The following BDNF variants were observed in gnomAD, a reference collection of about 807,000 sequenced individuals.
BDNF encodes the protein neurotrophic factor BDNF precursor form.
In BDNF, 1 loss-of-function variant was observed where a neutral mutation model predicts 19.5. The observed-to-expected ratio is 0.05, with a 90% CI of 0.02 to 0.24. The LOEUF is 0.24. Ranked by LOEUF, BDNF falls within the 10% of genes least tolerant of loss-of-function variation. The pLI is 1.00. For missense variants in BDNF, 195 were observed against 317.6 expected (o/e 0.61, Z 2.93); for synonymous variants, 100 against 121.6 (o/e 0.82, Z 1.17).
At chr11:27,703,198 C>G (rs988748), upstream of BDNF, among the ~76,000 whole-genome samples, 124,634 of 152,080 alleles carry the variant, frequency 0.82, 51,757 homozygotes, top group African/African-American at 0.93. Context: ...CGCTACCCCA[C>G]AGACCCTCTG....
chr11:27,674,059 C>T, intron 1 of BDNF: 17 of 1,601,510 alleles, frequency 1.1e-5, no homozygotes, highest in Non-Finnish European at 1.4e-5. Flanking sequence ...CTGTTACTCA[C>T]CTTTATGAAA....
chr11:27,684,751 A>C (rs994440111), intron 1 of BDNF, among the ~76,000 whole-genome samples: 3 of 152,138 alleles, frequency 2.0e-5, no homozygotes, highest in African/African-American at 7.2e-5. Context: ...GGATGAAGCC[A>C]AATTATCATG....
intron 1 of BDNF, among the ~76,000 whole-genome samples, chr11:27,695,791 A>G (rs939564023): frequency 4.0e-5 from 6 of 151,602 alleles, no homozygotes; most frequent in Admixed American, 2.6e-4. Flanking sequence ...TCAATCTATA[A>G]ATGAGACATC....
In BDNF at chr11:27,656,825, T is replaced by G. The variant is rs1852612433; in HGVS notation, c.*996A>C. On this transcript the variant is annotated 3_prime_UTR_variant, in exon 2 of 2. Transcript: ENST00000356660. ...GTTTTCTGTTCTAAAAAAAAATCAC[T>G]GTTCTCCATGCTTATACGAGTGTCA... is the stretch of plus-strand genomic sequence containing the variant. 1 of 985,308 alleles carries G rather than the reference T, an allele frequency of 1.0e-6. No homozygotes were observed. Among genetic ancestry groups the G allele is most frequent in the African/African-American group, 1.7e-5 (1 of 57,240 alleles). The allele number at this position is 985,308 out of a possible 1,614,324, so 61.0% of individuals were successfully genotyped here.
exon 1 of BDNF, chr11:27,721,696 C>A: frequency 1.8e-6 from 1 of 544,536 alleles, no homozygotes; most frequent in Non-Finnish European, 3.3e-6. Context: ...AGACACGTTT[C>A]CTTTTGAGTT....
rs890298643 is a variant in BDNF, at chr11:27,699,660, A to G, written c.-22+504T>C. 5.6e-6 allele frequency: 8 copies of G among 1,424,304 alleles called. No homozygotes were observed. The South Asian group carries it at 7.6e-5, about 14-fold the overall frequency. The allele number at this position is 1,424,304 out of a possible 1,614,324, so 88.2% of individuals were successfully genotyped here. ...CAGTCTCAATTCCTGGGGAGCAGGT[A>G]GCCGTGTGCAGCTCCGGGGAAGGGA... is the stretch of plus-strand genomic sequence containing the variant. On this transcript the variant is annotated intron_variant, in intron 1 of 1. Coordinates refer to ENST00000356660, the MANE Select transcript of BDNF (RefSeq NM_001709.5).
At chr11:27,704,766 C>T (rs1051928213), upstream of BDNF, among the ~76,000 whole-genome samples, 5 of 152,170 alleles carry the variant, frequency 3.3e-5, no homozygotes, top group African/African-American at 1.2e-4. Flanking sequence ...TGTATGAGGC[C>T]TGTCCTGAGA....
At chr11:27,721,542 C>T in exon 1 of BDNF, 1 of 981,390 alleles carries the variant, frequency 1.0e-6, no homozygotes, top group Non-Finnish European at 1.6e-6. Context: ...GATCGCCCAC[C>T]ACTTGGTGTG....
intron 1 of BDNF, among the ~76,000 whole-genome samples, chr11:27,719,287 C>T (rs1314888940): frequency 6.6e-6 from 1 of 152,220 alleles, no homozygotes; most frequent in African/African-American, 2.4e-5. Context: ...CCGCCCTCCA[C>T]CGGCGCCTCC....
chr11:27,685,478 T>G (rs977355842), intron 1 of BDNF, among the ~76,000 whole-genome samples: 2 of 151,562 alleles, frequency 1.3e-5, no homozygotes, highest in Non-Finnish European at 3.0e-5. Context: ...CTAGTTCCTT[T>G]AATTGTGATG....
At chr11:27,672,203 TG>T (rs1855487698) in intron 1 of BDNF, among the ~76,000 whole-genome samples, 1 of 152,180 alleles carries the variant, frequency 6.6e-6, no homozygotes, top group African/African-American at 2.4e-5. Flanking sequence ...ATTAGTTCAA[TG>T]AGAACTTTTA....
chr11:27,660,271 C>T, intron 1 of BDNF: 1 of 1,248,928 alleles, frequency 8.0e-7, no homozygotes, highest in South Asian at 1.3e-5. Flanking sequence ...TTATTACCAT[C>T]CCTAAACACA....
chr11:27,685,424 T>G (rs1214889481), intron 1 of BDNF, among the ~76,000 whole-genome samples: 2 of 152,200 alleles, frequency 1.3e-5, no homozygotes, highest in Non-Finnish European at 2.9e-5. Flanking sequence ...TCTTAGTTAT[T>G]TCTTGTCTTC....
At chr11:27,721,146 T>G (rs1056194224) in intron 1 of BDNF, among the ~76,000 whole-genome samples, 8 of 152,110 alleles carry the variant, frequency 5.3e-5, no homozygotes, top group Non-Finnish European at 1.0e-4. Context: ...AATGCAAGAC[T>G]GCTGAGAGAC....
At chr11:27,667,592 A>G (rs976513975) in intron 1 of BDNF, among the ~76,000 whole-genome samples, 31 of 152,200 alleles carry the variant, frequency 2.0e-4, no homozygotes, top group African/African-American at 7.5e-4. Flanking sequence ...GGAAATGGAA[A>G]GCAAAAAAAA....
At chr11:27,660,073 A>G (rs951850017) in intron 1 of BDNF, 1 of 501,936 alleles carries the variant, frequency 2.0e-6, no homozygotes, top group Non-Finnish European at 2.9e-6. Flanking sequence ...CATACATGCA[A>G]TGGCCATCAT....
chr11:27,700,308 C>T lies in BDNF; in HGVS notation c.-166G>A. On this transcript the variant is annotated 5_prime_UTR_variant, in exon 1 of 2. Transcript: ENST00000356660. ...CAGCGGTGGGTGTCTCATTAAAGCC[C>T]CCCGAGCAGGAGGTGGAGGGGCGCA... The T allele has an allele frequency of 6.1e-6, 6 of 985,232 alleles. No individual in the cohort carries two copies. Among genetic ancestry groups the T allele is most frequent in the Non-Finnish European group, 7.2e-6 (6 of 829,940 alleles). The allele number at this position is 985,232 out of a possible 1,614,324, so 61.0% of individuals were successfully genotyped here. A position where few individuals can be genotyped will look rare whatever the true frequency, so the allele number is the denominator to read the frequency against.
chr11:27,658,286 C>T lies in BDNF; in HGVS notation c.279G>A (p.Arg93=). ...AAGGCACTTGACTACTGAGCATCACCCTGGACGTGTACAAGTCTGCGTCCT... is the reference window on the plus strand; with the variant it reads ...AAGGCACTTGACTACTGAGCATCACTCTGGACGTGTACAAGTCTGCGTCCT... ...NNKDADLYTS[R]VMLSSQVPLE... The change falls in exon 2 of 2, where the codon AGG becomes AGA. Residue 93 remains arginine, a synonymous_variant. Coordinates refer to ENST00000356660, the MANE Select transcript of BDNF (RefSeq NM_001709.5). The surrounding 1 kb of genome is among the most constrained non-coding windows in gnomAD (Gnocchi z 5.7). 1 of 1,614,072 alleles carries T rather than the reference C, an allele frequency of 6.2e-7. No homozygotes were observed. The highest frequency in any genetic ancestry group is 8.5e-7 in the Non-Finnish European group (1 of 1,180,028).
At chr11:27,701,129 A>G, upstream of BDNF, 1 of 1,271,904 alleles carries the variant, frequency 7.9e-7, no homozygotes, top group Non-Finnish European at 1.0e-6. Context: ...TAGGAATTCA[A>G]TCAAGATAAT....
Sources: gnomAD v4.1 joint callset for allele counts (sites outside exome capture counted in the v4.1 genomes callset) on GRCh38, gnomAD v4.1.1 for gene constraint, Gnocchi (gnomAD v3.1) non-coding constraint, MANE v1.5 for transcripts, NCBI Gene and HGNC (gene_info 2026-07-23, HGNC 2026-07-21) for gene names.